CNTN5: variants seen among roughly 807,000 people sequenced by gnomAD.
The protein encoded by CNTN5 is contactin 5.
A neutral mutation model predicts 129.1 loss-of-function variants in CNTN5; 77 were observed. That is an observed-to-expected ratio of 0.60 (90% confidence interval 0.50 to 0.72). The LOEUF is 0.72. Among genes scored for constraint, CNTN5 ranks in the 30% least tolerant of loss-of-function variants. The pLI is 0.00. For synonymous variants in CNTN5, 509 were observed against 465.6 expected (o/e 1.09, Z -1.20); for missense variants, 1,478 against 1,328.8 (o/e 1.11, Z -1.75).
rs201433901 is a variant in CNTN5, at chr11:99,845,069, T to G, written c.402-18T>G. On this transcript the variant is annotated intron_variant, in intron 5 of 24. Transcript: ENST00000524871. ...TCAGGGAGGATTATACATATTTGTC[T>G]TCTGATTTTTTCCTAAGATGGCTTC... The G allele has an allele frequency of 2.5e-6, 4 of 1,612,438 alleles. No homozygotes were observed. The African/African-American group carries it at 5.3e-5, about 22-fold the overall frequency.
chr11:99,070,306 G>A (rs1298272276), intron 1 of CNTN5, among the ~76,000 whole-genome samples: 1 of 152,130 alleles, frequency 6.6e-6, no homozygotes, highest in African/African-American at 2.4e-5. Flanking sequence ...TGCAAAGGGA[G>A]TTTTGGTTTC....
intron 1 of CNTN5, among the ~76,000 whole-genome samples, chr11:99,308,674 C>A (rs1282989398): frequency 6.6e-5 from 10 of 152,150 alleles, no homozygotes; most frequent in Admixed American, 5.9e-4. Flanking sequence ...ACCGTTATTT[C>A]TCCAAATATT....
At chr11:99,120,142 C>A (rs1858237661) in intron 1 of CNTN5, 1 of 152,052 alleles carries the variant, frequency 6.6e-6, no homozygotes, top group Non-Finnish European at 1.5e-5. Flanking sequence ...TCCAATTTGT[C>A]AATTTTTGCT....
At chr11:99,632,895 G>C (rs555747071) in intron 3 of CNTN5, among the ~76,000 whole-genome samples, 3 of 151,626 alleles carry the variant, frequency 2.0e-5, no homozygotes, top group Admixed American at 2.0e-4. Flanking sequence ...TATCTTCTTG[G>C]GGGGGTTACA....
chr11:99,977,068 C>G (rs1229763856), intron 8 of CNTN5, among the ~76,000 whole-genome samples: 3 of 152,170 alleles, frequency 2.0e-5, no homozygotes, highest in Non-Finnish European at 4.4e-5. Context: ...TTTCTTCCAC[C>G]AGGTATTCTA....
chr11:99,946,663 T>G (rs1286385839), intron 7 of CNTN5, among the ~76,000 whole-genome samples: 1 of 152,090 alleles, frequency 6.6e-6, no homozygotes, highest in Non-Finnish European at 1.5e-5. Flanking sequence ...CATCCATGTA[T>G]CCATAGTATG....
chr11:99,388,249 C>G (rs745882592), intron 2 of CNTN5, among the ~76,000 whole-genome samples: 9 of 151,762 alleles, frequency 5.9e-5, no homozygotes, highest in Non-Finnish European at 1.3e-4. Flanking sequence ...AACCCCATCT[C>G]TACTAAAAAT....
chr11:99,849,469 C>T (rs937497812), intron 6 of CNTN5, among the ~76,000 whole-genome samples: 1 of 151,952 alleles, frequency 6.6e-6, no homozygotes, highest in African/African-American at 2.4e-5. Flanking sequence ...TGCCTTTCCA[C>T]TAATAACAGC....
chr11:100,076,933 TA>T (rs1181422717), intron 13 of CNTN5, among the ~76,000 whole-genome samples: 73 of 152,234 alleles, frequency 4.8e-4, no homozygotes, highest in Non-Finnish European at 7.9e-4. Flanking sequence ...TAATAACACT[TA>T]ATATTAAATA....
chr11:99,843,012 C>A (rs1199863455), intron 4 of CNTN5, among the ~76,000 whole-genome samples: 1 of 152,136 alleles, frequency 6.6e-6, no homozygotes, highest in East Asian at 1.9e-4. Context: ...GGGCGGATTA[C>A]TTGAGGTTAG....
intron 3 of CNTN5, among the ~76,000 whole-genome samples, chr11:99,705,690 G>A (rs1267140664): frequency 6.6e-6 from 1 of 151,386 alleles, no homozygotes; most frequent in Non-Finnish European, 1.5e-5. Flanking sequence ...GAAAGGGGAA[G>A]GACTCTTTAG....
In CNTN5 at chr11:100,072,423, C is replaced by T. The variant is rs117551277; in HGVS notation, c.1429+589C>T. 1.1e-4 allele frequency among the ~76,000 whole-genome samples: 17 copies of T among 152,266 alleles called. No individual in the cohort carries two copies. The East Asian group carries it at 3.3e-3, about 29-fold the overall frequency. On this transcript the variant is annotated intron_variant, in intron 12 of 24. Transcript: ENST00000524871. ...ACTGCATTTCTTCACTATTTAAATA[C>T]TACAGGAAACAATCCATCCAGTGAA...
chr11:99,319,126 T>C (rs1227534770), intron 1 of CNTN5, among the ~76,000 whole-genome samples: 3 of 152,308 alleles, frequency 2.0e-5, no homozygotes, highest in East Asian at 1.9e-4. Flanking sequence ...TTGACATCAG[T>C]AGCACTGGGT....
chr11:99,464,941 G>A (rs1341608272), intron 2 of CNTN5, among the ~76,000 whole-genome samples: 2 of 152,108 alleles, frequency 1.3e-5, no homozygotes, highest in Admixed American at 6.6e-5. Context: ...AGCATTTACA[G>A]AGCATTTTGC....
At chr11:99,552,395 G>A (rs1948521973) in intron 2 of CNTN5, among the ~76,000 whole-genome samples, 2 of 152,060 alleles carry the variant, frequency 1.3e-5, no homozygotes, top group Non-Finnish European at 2.9e-5. Context: ...TGACATTCTA[G>A]TAGGAGAAAA....
chr11:99,036,294 C>T (rs1326357785), intron 1 of CNTN5, among the ~76,000 whole-genome samples: 4 of 152,008 alleles, frequency 2.6e-5, no homozygotes, highest in Non-Finnish European at 4.4e-5. Context: ...CCAATATCTC[C>T]TACACATCAG....
chr11:99,061,958 C>G (rs1468575573), intron 1 of CNTN5, among the ~76,000 whole-genome samples: 4 of 151,120 alleles, frequency 2.6e-5, no homozygotes, highest in Non-Finnish European at 5.9e-5. Context: ...CACTACCTCA[C>G]TCCAGTGTGG....
chr11:99,843,601 T>C lies in CNTN5; in HGVS notation c.278-1251T>C, dbSNP rs151236784. ...AATAATTTCTCTTTATCTGTAGCAG[T>C]AGTTTTTAACAAGGGTCATTTTGAT... is the stretch of plus-strand genomic sequence containing the variant. On this transcript the variant is annotated intron_variant, in intron 4 of 24. Transcript: ENST00000524871. Among the ~76,000 whole-genome samples the C allele has an allele frequency of 4.5e-3, 680 of 152,290 alleles. 4 individuals carry two copies. Among genetic ancestry groups the C allele is most frequent in the African/African-American group, 0.014 (572 of 41,554 alleles).
chr11:99,991,743 G>GGTTTGTTT (rs141408293), intron 8 of CNTN5, among the ~76,000 whole-genome samples: 10,546 of 140,452 alleles, frequency 0.075, 727 homozygotes, highest in East Asian at 0.32. Flanking sequence ...CAGACATGCA[G>GGTTTGTTT]GTTTGTTTGT....
Sources: allele counts gnomAD v4.1 joint callset (sites outside exome capture counted in the v4.1 genomes callset), GRCh38; gene constraint gnomAD v4.1.1; transcripts MANE v1.5; gene names NCBI Gene and HGNC (gene_info 2026-07-23, HGNC 2026-07-21).